FAM53A: variants seen among roughly 807,000 people sequenced by gnomAD.
FAM53A encodes family with sequence similarity 53 member A.
Under a neutral mutation model 26.6 loss-of-function variants are expected in FAM53A, and 28 were observed. The ratio of observed to expected loss-of-function variants is 1.05; its 90% CI spans 0.78 to 1.45. The LOEUF is 1.45. Among genes scored for constraint, FAM53A ranks in the 40% most tolerant of loss-of-function variants. The pLI, the probability that FAM53A is intolerant of heterozygous loss-of-function variation, is 0.00. For synonymous variants in FAM53A, 290 were observed against 253.1 expected, an observed-to-expected ratio of 1.15 and a Z score of -1.38; for missense variants, 650 against 575.8, an observed-to-expected ratio of 1.13 and a Z score of -1.32.
chr4:1,584,505 G>T, the FAM53A span, among the ~76,000 whole-genome samples: 2 of 152,162 alleles, frequency 1.3e-5, no homozygotes, highest in Admixed American at 6.5e-5. Flanking sequence ...TCACATTTTT[G>T]AGCATGAGTA....
At chr4:1,613,597 G>A (rs761705510), downstream of FAM53A, among the ~76,000 whole-genome samples, 6 of 152,204 alleles carry the variant, frequency 3.9e-5, no homozygotes, top group Admixed American at 6.5e-5. Context: ...CCACACCGAC[G>A]TGCGTGGCTA....
intron 2 of FAM53A, among the ~76,000 whole-genome samples, chr4:1,663,018 C>G (rs1201888339): frequency 9.5e-6 from 1 of 105,362 alleles, no homozygotes; most frequent in Non-Finnish European, 1.9e-5. Flanking sequence ...CACGGTGAAA[C>G]CCCGGCTCTA....
rs377227530 is a variant in FAM53A, at chr4:1,641,534, G to A, written c.956C>T (p.Thr319Met). Residue 319 changes from threonine (T) to methionine (M), a missense_variant, in exon 5 of 5, where the codon ACG becomes ATG. Coordinates refer to ENST00000308132, the MANE Select transcript of FAM53A (RefSeq NM_001174070.3). ...DDDEDDTPVK[T>M]VLSSPCDSRG... ...GGAGTCACATGGGGAGGACAGAACC[G>A]TCTTCACTGGGGTGTCATCCTCATC... The A allele has an allele frequency of 1.5e-5, 24 of 1,614,108 alleles. No individual in the cohort carries two copies. The highest frequency in any genetic ancestry group is 1.6e-4 in the Middle Eastern group (1 of 6,084).
rs773003333 is a variant in FAM53A, at chr4:1,645,611, G to C, written c.883-4004C>G. ...CGCCCTGACCGTGCAGCCACTGATGGCACCGGCTCCTCATCCCAAGGGGGA... is the reference window on the plus strand; with the variant it reads ...CGCCCTGACCGTGCAGCCACTGATGCCACCGGCTCCTCATCCCAAGGGGGA... On this transcript the variant is annotated intron_variant, in intron 4 of 4. Transcript: ENST00000308132. Among the ~76,000 whole-genome samples the C allele has an allele frequency of 9.9e-5, 15 of 152,192 alleles. 1 individual carries two copies. Among genetic ancestry groups the C allele is most frequent in the Non-Finnish European group, 1.8e-4 (12 of 68,036 alleles).
At chr4:1,664,172 G>A (rs1039287104) in intron 2 of FAM53A, among the ~76,000 whole-genome samples, 1 of 152,232 alleles carries the variant, frequency 6.6e-6, no homozygotes, top group East Asian at 1.9e-4. Flanking sequence ...AGGAATCTCT[G>A]AGAGTTTTAG....
At chr4:1,649,248 A>C (rs1712538133) in intron 4 of FAM53A, among the ~76,000 whole-genome samples, 1 of 152,166 alleles carries the variant, frequency 6.6e-6, no homozygotes, top group Non-Finnish European at 1.5e-5. Context: ...AGAAAAGGAA[A>C]GAGAAAGAAA....
chr4:1,650,658 G>A (rs1260610386), intron 4 of FAM53A, among the ~76,000 whole-genome samples: 1 of 151,872 alleles, frequency 6.6e-6, no homozygotes, highest in African/African-American at 2.4e-5. Context: ...ATCATGCCCA[G>A]CAAATTTTTG....
At chr4:1,628,073 A>G (rs1164024481) in intron 1 of FAM53A, among the ~76,000 whole-genome samples, 1 of 20,414 alleles carries the variant, frequency 4.9e-5, no homozygotes, top group South Asian at 2.4e-3. Flanking sequence ...GGGTGGCATG[A>G]AGGGAGGGTG....
intron 4 of FAM53A, 85 bp from the exon 5 acceptor site, chr4:1,641,692 G>T: frequency 7.1e-7 from 1 of 1,407,378 alleles, no homozygotes; most frequent in Non-Finnish European, 1.0e-6. Flanking sequence ...AGGGCTCGGT[G>T]TGCTGGGGCT....
At chr4:1,589,984 C>T in the FAM53A span, among the ~76,000 whole-genome samples, 79,220 of 151,970 alleles carry the variant, frequency 0.52, 22,218 homozygotes, top group African/African-American at 0.73. Flanking sequence ...ATGCTTTGCT[C>T]ATTTATTTTT....
intron 4 of FAM53A, chr4:1,644,580 G>C: frequency 2.1e-6 from 1 of 469,110 alleles, no homozygotes; most frequent in South Asian, 4.2e-5. Flanking sequence ...GTCCCTGGGC[G>C]CCAGCCCCGG....
At chr4:1,635,334 T>C (rs568812512), downstream of FAM53A, among the ~76,000 whole-genome samples, 1 of 152,218 alleles carries the variant, frequency 6.6e-6, no homozygotes, top group South Asian at 2.1e-4. Context: ...AGTGGAGTAG[T>C]GTGATCTTGG....
chr4:1,618,996 A>G (rs11248066), intron 1 of FAM53A, among the ~76,000 whole-genome samples: 55,198 of 152,098 alleles, frequency 0.36, 10,663 homozygotes, highest in African/African-American at 0.47. Flanking sequence ...CGCTGCCAAC[A>G]AGACGGGGAA....
At chr4:1,590,989 T>TATATATATATATACACACACAC in the FAM53A span, among the ~76,000 whole-genome samples, 1 of 126,848 alleles carries the variant, frequency 7.9e-6, no homozygotes, top group African/African-American at 3.5e-5. Context: ...TATATATATA[T>TATATATATATATACACACACAC]ATATATATAT....
At chr4:1,588,166 T>C in the FAM53A span, among the ~76,000 whole-genome samples, 3 of 152,366 alleles carry the variant, frequency 2.0e-5, no homozygotes, top group Admixed American at 6.5e-5. Context: ...ATTCTCCAAA[T>C]AGGGTCTGGT....
the FAM53A span, among the ~76,000 whole-genome samples, chr4:1,600,243 G>A: frequency 5.8e-3 from 885 of 152,264 alleles, 11 homozygotes; most frequent in African/African-American, 0.02. Context: ...GTCAGAGTTG[G>A]GGCTCCTCTG....
chr4:1,574,717 G>A, the FAM53A span, among the ~76,000 whole-genome samples: 8 of 152,344 alleles, frequency 5.3e-5, no homozygotes, highest in African/African-American at 1.2e-4. Context: ...TGAGACAGGC[G>A]AGGCCTGGAC....
Position 1,641,611 on chromosome 4 carries a change from C to A in FAM53A, c.883-4G>T. ...GGCTTTTTGAATTTTTTAAAGTCTGCAATAGAAAAGATACGGGCTTAAAGC... is the reference window on the plus strand; with the variant it reads ...GGCTTTTTGAATTTTTTAAAGTCTGAAATAGAAAAGATACGGGCTTAAAGC... On this transcript the variant is annotated splice_region_variant and splice_polypyrimidine_tract_variant and intron_variant, in intron 4 of 4. Transcript: ENST00000308132. 6.2e-7 allele frequency: 1 copy of A among 1,613,948 alleles called. No individual in the cohort carries two copies. The highest frequency in any genetic ancestry group is 8.5e-7 in the Non-Finnish European group (1 of 1,179,936).
chr4:1,594,098 A>C, the FAM53A span, among the ~76,000 whole-genome samples: 4 of 152,030 alleles, frequency 2.6e-5, no homozygotes, highest in Non-Finnish European at 5.9e-5. Flanking sequence ...AGGTCCCCCC[A>C]GGCTGCCAGC....
Sources: allele counts gnomAD v4.1 joint callset (sites outside exome capture counted in the v4.1 genomes callset), GRCh38; gene constraint gnomAD v4.1.1; transcripts MANE v1.5; gene names NCBI Gene and HGNC (gene_info 2026-07-23, HGNC 2026-07-21).